Variants in MUC4 observed in about 807,000 individuals in gnomAD.
The protein encoded by MUC4 is mucin-4.
Under a neutral mutation model 257.9 loss-of-function variants are expected in MUC4, and 202 were observed. The observed-to-expected ratio is 0.78, with a 90% confidence interval of 0.70 to 0.88. MUC4 has a LOEUF of 0.88. MUC4 is among the 40% of genes least tolerant of loss of function. The pLI is 0.00. For missense variants in MUC4, 5,976 were observed against 6,513.7 expected, an observed-to-expected ratio of 0.92 and a Z score of 2.84; for synonymous variants, 2,351 against 2,757.1, an observed-to-expected ratio of 0.85 and a Z score of 4.62.
chr3:195,767,757 C>T (rs1315220548), intron 7 of MUC4, among the ~76,000 whole-genome samples: 37 of 80,034 alleles, frequency 4.6e-4, no homozygotes, highest in Middle Eastern at 6.8e-3. Flanking sequence ...GCCACCACCA[C>T]CATCACCACC....
chr3:195,791,769 G>A (rs1733896724), intron 1 of MUC4, among the ~76,000 whole-genome samples: 1 of 152,144 alleles, frequency 6.6e-6, no homozygotes, highest in African/African-American at 2.4e-5. Context: ...AAACAGCATG[G>A]TACTGGTACC....
rs1332891179 is a variant in MUC4 at position 195,790,725 on chromosome 3, A to G, written c.855T>C (p.Val285=). Residue 285 remains valine (V), a synonymous_variant, in exon 2 of 25, where the codon GTT becomes GTC. Transcript: ENST00000463781. ...AGGTGACTGGCATAAGACTTCCAGT[A>G]ACAGGTACTGATGATGTCTCCCCTG... ...GNPGETSSVP[V]TGSLMPVTSA... is the part of the protein sequence containing the mutation. 22 of 1,613,992 alleles carry G rather than the reference A, an allele frequency of 1.4e-5. No homozygotes were observed. The highest frequency in any genetic ancestry group is 1.9e-5 in the Non-Finnish European group (22 of 1,179,886).
chr3:195,747,895 C>T (rs1315687241), intron 24 of MUC4, among the ~76,000 whole-genome samples: 1 of 152,264 alleles, frequency 6.6e-6, no homozygotes, highest in Non-Finnish European at 1.5e-5. Flanking sequence ...GTGAATTCAG[C>T]TGCACGTGCA....
In MUC4 at chr3:195,786,375, G is replaced by A. The variant is rs767775311; in HGVS notation, c.5205C>T (p.Ser1735=). The A allele has an allele frequency of 2.0e-6, 3 of 1,528,014 alleles. 1 individual carries two copies. In the South Asian group the frequency reaches 3.6e-5, roughly 18 times the overall value. The allele number at this position is 1,528,014 out of a possible 1,614,324, so 94.7% of individuals were successfully genotyped here. A position where few individuals can be genotyped will look rare whatever the true frequency, so the allele number is the denominator to read the frequency against. Residue 1735 remains serine, a synonymous_variant, in exon 2 of 25, where the codon TCC becomes TCT. Coordinates refer to ENST00000463781, the MANE Select transcript of MUC4 (RefSeq NM_018406.7). ...GGCTGGCGTGACCTGTGGATGCTGA[G>A]GAAGGGCTAGTGACAGGAAGAGGCG... The part of the protein sequence containing the change: ...DTTPLPVTSP[S]SASTGHASPL...
At chr3:195,795,674 C>CA (rs1242254874) in intron 1 of MUC4, among the ~76,000 whole-genome samples, 2 of 150,828 alleles carry the variant, frequency 1.3e-5, no homozygotes, top group East Asian at 1.9e-4. Flanking sequence ...GAACCGCCAG[C>CA]AAAAAAGGTA....
chr3:195,772,027 C>T (rs1203044927), intron 4 of MUC4, among the ~76,000 whole-genome samples: 1 of 152,202 alleles, frequency 6.6e-6, no homozygotes, highest in Non-Finnish European at 1.5e-5. Flanking sequence ...TCCCTTGCGT[C>T]CTCGGGTGGT....
Position 195,763,514 on chromosome 3 carries a change from G to A in MUC4, c.14172C>T (p.Thr4724=), listed in dbSNP as rs764603566. 8 of 1,562,480 alleles carry A rather than the reference G, an allele frequency of 5.1e-6. No homozygotes were observed. The highest frequency in any genetic ancestry group is 3.6e-5 in the South Asian group (3 of 84,228). Residue 4724 remains threonine, a synonymous_variant, in exon 12 of 25, where the codon ACC becomes ACT. Transcript: ENST00000463781. The part of the protein sequence containing the change: ...GNSSFLLQGR[T]AQTGSAQATN... Reference sequence around the variant, plus strand: ...TGGCCTGGGCTGAGCCAGTCTGGGCGGTGCGGCCCTGAAGCAGGAAGGAGG... The same window carrying A: ...TGGCCTGGGCTGAGCCAGTCTGGGCAGTGCGGCCCTGAAGCAGGAAGGAGG...
Position 195,779,701 on chromosome 3 carries a change from G to A in MUC4, c.11879C>T (p.Ser3960Leu). ...TTPLPVTDTSSVSTGHATSLP... is the reference protein window; with the variant it reads ...TTPLPVTDTSLVSTGHATSLP... ...AGAGGTGGCGTGACCTGTGGATACT[G>A]AGGAAGTGTCGGTGACAGGAAGAGG... Residue 3960 changes from serine to leucine, a missense_variant, in exon 2 of 25, where the codon TCA (serine) becomes TTA (leucine). By Grantham distance (145) the Ser-to-Leu change is moderately radical. This residue lies in a region of MUC4 where 293 missense variants were observed against 294.5 expected (regional missense o/e 1.00). Coordinates refer to ENST00000463781, the MANE Select transcript of MUC4 (RefSeq NM_018406.7). 6.5e-6 allele frequency: 9 copies of A among 1,382,794 alleles called. 2 individuals carry two copies. In the East Asian group the frequency reaches 2.5e-4, roughly 38 times the overall value. The allele number at this position is 1,382,794 out of a possible 1,614,324, so 85.7% of individuals were successfully genotyped here.
In MUC4 at chr3:195,781,301, C is replaced by T. The variant is rs1283637443; in HGVS notation, c.10279G>A (p.Val3427Ile). ...GTGGATGCTGAGGAAGTGCTGGTGA[C>T]AGGAAGAGGGGTGGCGTGACCTGTG... ...ASTGHATPLP[V>I]TSTSSASTGH... is the part of the protein sequence containing the mutation. Residue 3427 changes from valine (V) to isoleucine (I), a missense_variant, in exon 2 of 25, where the codon GTC becomes ATC. Around this residue, in one of 44 missense-constraint regions of MUC4, gnomAD observed 297 missense variants for 240.9 expected, o/e 1.23. Coordinates refer to ENST00000463781, the MANE Select transcript of MUC4 (RefSeq NM_018406.7). The T allele has an allele frequency of 9.1e-6, 13 of 1,428,330 alleles. No homozygotes were observed. The highest frequency in any genetic ancestry group is 1.2e-5 in the Non-Finnish European group (13 of 1,061,158). The allele number at this position is 1,428,330 out of a possible 1,614,324, so 88.5% of individuals were successfully genotyped here.
At position 195,811,828 on chromosome 3, in the gene MUC4, A is replaced by G. The variant is rs1411959866; in HGVS notation, c.-11T>C. The G allele has an allele frequency of 1.1e-5, 17 of 1,613,144 alleles. No individual in the cohort carries two copies. Among genetic ancestry groups the G allele is most frequent in the Non-Finnish European group, 1.4e-5 (17 of 1,179,648 alleles). ...GCGTGCCCCCTTCATGGCTGCGGCA[A>G]AAGTCCCCCTGGCTCCCTGGGGAAG... On this transcript the variant is annotated 5_prime_UTR_variant, in exon 1 of 25. Transcript: ENST00000463781.
chr3:195,795,849 G>C (rs1213947631), intron 1 of MUC4, among the ~76,000 whole-genome samples: 3 of 131,228 alleles, frequency 2.3e-5, no homozygotes, highest in African/African-American at 9.1e-5. Flanking sequence ...GTGGGGGAGG[G>C]GGGTGGGAGG....
At chr3:195,760,603 TGAAGGGGGCTG>T (rs1718656276) in intron 16 of MUC4, among the ~76,000 whole-genome samples, 20 of 18,092 alleles carry the variant, frequency 1.1e-3, no homozygotes, top group African/African-American at 2.6e-3. Flanking sequence ...TAGTATGGAG[TGAAGGGGGCTG>T]GGAAGGCATC....
At chr3:195,751,344 G>A in intron 21 of MUC4, 73 bp from the exon 22 acceptor site, 2 of 1,137,128 alleles carry the variant, frequency 1.8e-6, no homozygotes, top group Non-Finnish European at 2.6e-6. Flanking sequence ...CCACCTTGAT[G>A]GGTGTATTCA....
chr3:195,758,232 C>T (rs1039919473), intron 17 of MUC4, among the ~76,000 whole-genome samples: 5 of 152,136 alleles, frequency 3.3e-5, no homozygotes, highest in Non-Finnish European at 1.5e-5. Flanking sequence ...TGCTTGGAGC[C>T]TTTGGCCCTG....
At chr3:195,761,779 A>G (rs1718974394) in intron 14 of MUC4, among the ~76,000 whole-genome samples, 194 bp from the exon 15 acceptor site, 1 of 152,046 alleles carries the variant, frequency 6.6e-6, no homozygotes, top group Admixed American at 6.5e-5. Context: ...GGCGGGAGGA[A>G]ACGCGGGCAG....
chr3:195,748,717 AGTTT>A (rs1715689632), intron 24 of MUC4, among the ~76,000 whole-genome samples, 181 bp downstream of exon 24: 1 of 152,378 alleles, frequency 6.6e-6, no homozygotes, highest in Middle Eastern at 3.4e-3. Context: ...TGGGTTTCAG[AGTTT>A]GTAATATAGC....
At chr3:195,762,373 G>T in intron 13 of MUC4, 119 bp from the exon 14 acceptor site, 1 of 1,128,040 alleles carries the variant, frequency 8.9e-7, no homozygotes, top group South Asian at 1.6e-5. Context: ...GCCGGGAGGG[G>T]TCTGCACTGG....
chr3:195,752,295 C>A, intron 21 of MUC4, 78 bp downstream of exon 21: 2 of 1,291,316 alleles, frequency 1.5e-6, no homozygotes, highest in Non-Finnish European at 2.2e-6. Context: ...AAGATGAAGG[C>A]CGCACAGCGA....
rs1227838521 is a variant in MUC4 at position 195,788,785 on chromosome 3, A to G, written c.2795T>C (p.Phe932Ser). ...TGGAGGTGTGGGTGGGACTGTTGAG[A>G]AGGTGTCGGTTGCCTGGGACGCCAG... ...ISLASQATDT[F>S]STVPPTPPSI... is the part of the protein sequence containing the mutation. The change falls in exon 2 of 25, where the codon TTC (phenylalanine) becomes TCC (serine). Residue 932 changes from phenylalanine (F) to serine (S), a missense_variant. Coordinates refer to ENST00000463781, the MANE Select transcript of MUC4 (RefSeq NM_018406.7). 1.2e-6 allele frequency: 2 copies of G among 1,613,706 alleles called. No homozygotes were observed. Among genetic ancestry groups the G allele is most frequent in the East Asian group, 2.2e-5 (1 of 44,872 alleles).
Sources: gnomAD v4.1 joint callset for allele counts (sites outside exome capture counted in the v4.1 genomes callset) on GRCh38, gnomAD v4.1.1 for gene constraint, gnomAD v4.1.1 regional missense constraint, MANE v1.5 for transcripts, NCBI Gene and HGNC (gene_info 2026-07-23, HGNC 2026-07-21) for gene names.